The following ZNF365 variants were observed in gnomAD, a reference collection of about 807,000 sequenced individuals.
ZNF365 encodes the protein zinc finger protein 365.
ZNF365 carries 22 observed loss-of-function variants against 35.0 expected under a neutral mutation model. That is an observed-to-expected ratio of 0.63 (90% CI 0.45 to 0.90). The LOEUF is 0.90. ZNF365 is among the 40% of genes least tolerant of loss of function. ZNF365 has a pLI of 0.00. For synonymous variants in ZNF365, 188 were observed against 196.2 expected (o/e 0.96, Z 0.35); for missense variants, 448 against 500.3 (o/e 0.90, Z 1.00).
chr10:62,474,791 C>T (rs1460029679), intron 4 of ZNF365, among the ~76,000 whole-genome samples: 3 of 152,292 alleles, frequency 2.0e-5, no homozygotes, highest in African/African-American at 7.2e-5. Context: ...GTTGACATAA[C>T]TAACCATCAA....
At position 62,377,253 on chromosome 10, in the gene ZNF365, C is replaced by A. The variant is rs563864655; in HGVS notation, c.743+317C>A. ...GGGATCCATTCCTAGCACCAAATGG[C>A]GTGCAAGGGTGAGTTGAATGGGAAG... On this transcript the variant is annotated intron_variant, in intron 2 of 4. Coordinates refer to ENST00000395254, the MANE Select transcript of ZNF365 (RefSeq NM_014951.3). 2.6e-5 allele frequency among the ~76,000 whole-genome samples: 4 copies of A among 152,288 alleles called. No homozygotes were observed. In the South Asian group the frequency reaches 8.3e-4, roughly 32 times the overall value.
At chr10:62,466,463 T>A (rs1357723755) in intron 4 of ZNF365, among the ~76,000 whole-genome samples, 10 of 152,138 alleles carry the variant, frequency 6.6e-5, no homozygotes, top group African/African-American at 9.7e-5. Flanking sequence ...TTAGCAAGTA[T>A]GGGATCTGGG....
chr10:62,445,534 A>T (rs553102584), intron 3 of ZNF365, among the ~76,000 whole-genome samples: 1 of 152,322 alleles, frequency 6.6e-6, no homozygotes, highest in South Asian at 2.1e-4. Flanking sequence ...TCAGAATTGC[A>T]TGGAGAGCTT....
At chr10:62,463,330 C>T (rs948498422) in intron 4 of ZNF365, among the ~76,000 whole-genome samples, 6 of 152,278 alleles carry the variant, frequency 3.9e-5, no homozygotes, top group South Asian at 4.1e-4. Flanking sequence ...CAACTTAAGC[C>T]GTCCCCTGGA....
Position 62,376,173 on chromosome 10 carries a change from C to T in ZNF365, c.-13-8C>T. Reference sequence around the variant, plus strand: ...CGACTTGTAAACTACCTATTTCCCCCCTCCCAGGACTTTTAGAGTAATGCA... The same window carrying T: ...CGACTTGTAAACTACCTATTTCCCCTCTCCCAGGACTTTTAGAGTAATGCA... On this transcript the variant is annotated splice_polypyrimidine_tract_variant and splice_region_variant and intron_variant, in intron 1 of 4. Coordinates refer to ENST00000395254, the MANE Select transcript of ZNF365 (RefSeq NM_014951.3). The T allele has an allele frequency of 6.2e-7, 1 of 1,611,460 alleles. No homozygotes were observed. Among genetic ancestry groups the T allele is most frequent in the East Asian group, 2.2e-5 (1 of 44,856 alleles).
At chr10:62,445,809 T>C (rs1355687748) in intron 3 of ZNF365, among the ~76,000 whole-genome samples, 1 of 152,204 alleles carries the variant, frequency 6.6e-6, no homozygotes, top group Admixed American at 6.5e-5. Context: ...TTTGTTTTGC[T>C]CATCTCATTG....
At chr10:62,409,429 GA>G (rs1169905781) in intron 3 of ZNF365, among the ~76,000 whole-genome samples, 1 of 152,120 alleles carries the variant, frequency 6.6e-6, no homozygotes, top group African/African-American at 2.4e-5. Context: ...CGAATCGCTA[GA>G]ATCCGTCTCT....
At chr10:62,425,702 T>G (rs1840240592) in intron 3 of ZNF365, among the ~76,000 whole-genome samples, 1 of 152,184 alleles carries the variant, frequency 6.6e-6, no homozygotes, top group South Asian at 2.1e-4. Flanking sequence ...CACTGCACAC[T>G]CGGCATTCCC....
chr10:62,384,898 T>C (rs2132414469), intron 2 of ZNF365, among the ~76,000 whole-genome samples: 1 of 152,356 alleles, frequency 6.6e-6, no homozygotes, highest in South Asian at 2.1e-4. Flanking sequence ...TAACCCCTTT[T>C]CTTTTCCATT....
chr10:62,450,154 C>T lies in ZNF365; in HGVS notation c.925-9587C>T, dbSNP rs138425976. ...CTTAGTGGTGATTGTCTTGTATGACCTAATTGTTGCCTAATTCCTCATTTC... is the reference window on the plus strand; with the variant it reads ...CTTAGTGGTGATTGTCTTGTATGACTTAATTGTTGCCTAATTCCTCATTTC... On this transcript the variant is annotated intron_variant, in intron 3 of 4. Transcript: ENST00000395255. Among the ~76,000 whole-genome samples the T allele has an allele frequency of 5.6e-3, 848 of 152,100 alleles. 7 individuals carry two copies. The highest frequency in any genetic ancestry group is 9.0e-3 in the Non-Finnish European group (613 of 67,990).
At chr10:62,459,755 T>A (rs1438984820) in exon 4 of ZNF365, 3 of 1,609,374 alleles carry the variant, frequency 1.9e-6, no homozygotes, top group Admixed American at 1.7e-5. Flanking sequence ...GGAAAGGTGC[T>A]GGCGAAGCTC....
chr10:62,400,496 A>C lies in ZNF365; in HGVS notation c.*707A>C, dbSNP rs1402399910. ...CGTCTTCTTTGGCTGAGTATTCTGC[A>C]CCCACAGACCATGCTGCCAGCCTCT... is the stretch of plus-strand genomic sequence containing the variant. On this transcript the variant is annotated 3_prime_UTR_variant, in exon 5 of 5. Transcript: ENST00000395254. 5 of 985,842 alleles carry C rather than the reference A, an allele frequency of 5.1e-6. No individual in the cohort carries two copies. Among genetic ancestry groups the C allele is most frequent in the African/African-American group, 1.7e-5 (1 of 57,198 alleles). 61.1% of individuals were successfully genotyped at this position (985,842 alleles called of 1,614,324 possible). A position where few individuals can be genotyped will look rare whatever the true frequency, so the allele number is the denominator to read the frequency against.
At chr10:62,469,952 T>C (rs970674786) in intron 4 of ZNF365, among the ~76,000 whole-genome samples, 2 of 152,240 alleles carry the variant, frequency 1.3e-5, no homozygotes, top group Non-Finnish European at 1.5e-5. Context: ...TCTCAAGACA[T>C]TAAATATTCT....
Position 62,400,133 on chromosome 10 carries a change from C to A in ZNF365, c.*344C>A, listed in dbSNP as rs1001775495. On this transcript the variant is annotated 3_prime_UTR_variant, in exon 5 of 5. Coordinates refer to ENST00000395254, the MANE Select transcript of ZNF365 (RefSeq NM_014951.3). ...ACTAATTTTCAGGACCAAGGCCACACAAAATGTCAGGCCTAGGGAGAAAAT... is the reference window on the plus strand; with the variant it reads ...ACTAATTTTCAGGACCAAGGCCACAAAAAATGTCAGGCCTAGGGAGAAAAT... 76 of 1,046,918 alleles carry A rather than the reference C, an allele frequency of 7.3e-5. No homozygotes were observed. Among genetic ancestry groups the A allele is most frequent in the Non-Finnish European group, 8.2e-5 (71 of 867,602 alleles). The allele number at this position is 1,046,918 out of a possible 1,614,324, so 64.9% of individuals were successfully genotyped here.
chr10:62,386,670 A>C (rs540412567), intron 2 of ZNF365, among the ~76,000 whole-genome samples: 270 of 152,330 alleles, frequency 1.8e-3, no homozygotes, highest in African/African-American at 6.1e-3. Context: ...TAATTGTAAA[A>C]GTGGCACACT....
At chr10:62,430,436 T>A (rs1377531388) in intron 3 of ZNF365, among the ~76,000 whole-genome samples, 1 of 152,120 alleles carries the variant, frequency 6.6e-6, no homozygotes, top group Non-Finnish European at 1.5e-5. Flanking sequence ...CGCCTCGGCC[T>A]CCCAGAGTGC....
intron 3 of ZNF365, among the ~76,000 whole-genome samples, chr10:62,444,742 GGCAGAT>G (rs1206106220): frequency 1.3e-5 from 2 of 152,000 alleles, no homozygotes; most frequent in Non-Finnish European, 2.9e-5. Context: ...ACCTCTTTCA[GGCAGAT>G]GCAGTCCCCA....
At chr10:62,379,452 CT>C (rs374218470) in intron 2 of ZNF365, among the ~76,000 whole-genome samples, 7,125 of 145,916 alleles carry the variant, frequency 0.049, 337 homozygotes, top group African/African-American at 0.12. Context: ...TAAACAAAGT[CT>C]TTTTTTTTTT....
intron 4 of ZNF365, among the ~76,000 whole-genome samples, chr10:62,461,331 TG>T (rs1442235388): frequency 1.3e-5 from 2 of 152,220 alleles, no homozygotes; most frequent in Non-Finnish European, 2.9e-5. Context: ...TTTCCAGGAC[TG>T]CCCCCAGTCG....
Sources: allele counts gnomAD v4.1 joint callset (sites outside exome capture counted in the v4.1 genomes callset), GRCh38; gene constraint gnomAD v4.1.1; transcripts MANE v1.5; gene names NCBI Gene and HGNC (gene_info 2026-07-23, HGNC 2026-07-21).